The following SEPTIN9 variants were observed in gnomAD, a reference collection of about 807,000 sequenced individuals.
SEPTIN9 encodes the protein septin-9.
A neutral mutation model predicts 56.6 loss-of-function variants in SEPTIN9; 13 were observed. The ratio of observed to expected loss-of-function variants is 0.23; its 90% confidence interval spans 0.15 to 0.37. The LOEUF is 0.37. Ranked by LOEUF, SEPTIN9 falls within the 10% of genes least tolerant of loss-of-function variation. The pLI is 1.00. For missense variants in SEPTIN9, 650 were observed against 823.1 expected (o/e 0.79, Z 2.57); for synonymous variants, 332 against 334.1 (o/e 0.99, Z 0.07).
rs2039224207 is a variant in SEPTIN9 at position 77,476,621 on chromosome 17, CA to C, written c.722-5522del. On this transcript the variant is annotated intron_variant, in intron 3 of 11. Transcript: ENST00000427177. The surrounding 1 kb of genome is among the most constrained non-coding windows in gnomAD (Gnocchi z 6.0). ...GATGAGCAGATTTGGGGGCAGTCCC[CA>C]TCACGGGACCGGTGACCTACTGCCA... Among the ~76,000 whole-genome samples the C allele has an allele frequency of 6.6e-6, 1 of 152,230 alleles. No homozygotes were observed. Among genetic ancestry groups the C allele is most frequent in the African/African-American group, 2.4e-5 (1 of 41,454 alleles).
chr17:77,482,741 CCA>C, intron 4 of SEPTIN9: 1 of 586,608 alleles, frequency 1.7e-6, no homozygotes, highest in South Asian at 2.1e-5. Context: ...CAGAGGCTTC[CCA>C]GCAGCTCAGC....
At chr17:77,331,872 G>A (rs778192585) in intron 2 of SEPTIN9, among the ~76,000 whole-genome samples, 1 of 152,188 alleles carries the variant, frequency 6.6e-6, no homozygotes, top group Non-Finnish European at 1.5e-5. Flanking sequence ...GGGGAAAGGG[G>A]GTGGTCTCCT....
chr17:77,493,160 C>A, intron 10 of SEPTIN9, 84 bp downstream of exon 10: 1 of 1,118,350 alleles, frequency 8.9e-7, no homozygotes, highest in Non-Finnish European at 1.3e-6. Flanking sequence ...CACGCCTGAG[C>A]CAGGGACTCG....
chr17:77,433,543 G>A lies in SEPTIN9; in HGVS notation c.721+30840G>A, dbSNP rs1024712082. On this transcript the variant is annotated intron_variant, in intron 3 of 11. Transcript: ENST00000427177. This position sits in a 1 kb window ranked among gnomAD's most constrained non-coding sequence, Gnocchi z 6.4. ...CCCCAGCCACGTTCCCACCCACCCC[G>A]AGGCCCAGCATGGCCATGCCGGAAA... Among the ~76,000 whole-genome samples, 5 of 150,752 alleles carry A rather than the reference G, an allele frequency of 3.3e-5. No individual in the cohort carries two copies. Among genetic ancestry groups the A allele is most frequent in the African/African-American group, 9.7e-5 (4 of 41,162 alleles).
chr17:77,460,461 C>T (rs1418725958), intron 3 of SEPTIN9, among the ~76,000 whole-genome samples: 1 of 152,202 alleles, frequency 6.6e-6, no homozygotes, highest in Non-Finnish European at 1.5e-5. Context: ...AGGGGCCCCT[C>T]TCCTTCTGGG....
chr17:77,379,364 G>A (rs752402945), intron 2 of SEPTIN9, among the ~76,000 whole-genome samples: 3 of 152,128 alleles, frequency 2.0e-5, no homozygotes, highest in African/African-American at 4.8e-5. Context: ...TGGTCTCGTC[G>A]GCTGTCTTGG....
chr17:77,373,333 C>T (rs2034787151), intron 2 of SEPTIN9: 1 of 1,175,924 alleles, frequency 8.5e-7, no homozygotes, highest in Admixed American at 4.6e-5. Flanking sequence ...CGCCTTCCTC[C>T]CCCATTCATT....
At chr17:77,459,136 A>G (rs1480979826) in intron 3 of SEPTIN9, among the ~76,000 whole-genome samples, 1 of 152,198 alleles carries the variant, frequency 6.6e-6, no homozygotes, top group East Asian at 1.9e-4. Context: ...TGCCACTACC[A>G]CCTGGCACCC....
chr17:77,316,141 G>A (rs1255235348), intron 2 of SEPTIN9, among the ~76,000 whole-genome samples: 3 of 152,220 alleles, frequency 2.0e-5, no homozygotes, highest in Non-Finnish European at 4.4e-5. Flanking sequence ...CCTCTTCAGT[G>A]TTCCTCTGGA....
At chr17:77,296,746 G>A (rs1423894709) in intron 1 of SEPTIN9, among the ~76,000 whole-genome samples, 2 of 152,156 alleles carry the variant, frequency 1.3e-5, no homozygotes, top group African/African-American at 4.8e-5. Flanking sequence ...CCAGCCACTC[G>A]GGAGGCTGAG....
chr17:77,386,233 C>G (rs1041226314), intron 2 of SEPTIN9, among the ~76,000 whole-genome samples: 1 of 152,210 alleles, frequency 6.6e-6, no homozygotes, highest in African/African-American at 2.4e-5. Context: ...CCTCCTGCCC[C>G]CACCCCTCCT....
rs425139 is a variant in SEPTIN9 at position 77,482,399 on chromosome 17, C to T, written c.913+64C>T. 837,789 of 1,536,212 alleles carry T rather than the reference C, an allele frequency of 0.55. 234,910 individuals are homozygous for T. The highest frequency in any genetic ancestry group is 0.86 in the African/African-American group (63,294 of 73,684). Reference sequence around the variant, plus strand: ...AAACCAGCCTCAGCCCCCAGGGCGGCCCACAAGCCTTTGGGCTTGGTCTTC... The same window carrying T: ...AAACCAGCCTCAGCCCCCAGGGCGGTCCACAAGCCTTTGGGCTTGGTCTTC... On this transcript the variant is annotated intron_variant, in intron 4 of 11. Coordinates refer to ENST00000427177, the MANE Select transcript of SEPTIN9 (RefSeq NM_001113491.2).
At chr17:77,335,886 G>A (rs1247027219) in intron 2 of SEPTIN9, among the ~76,000 whole-genome samples, 2 of 119,514 alleles carry the variant, frequency 1.7e-5, no homozygotes, top group Non-Finnish European at 3.7e-5. Context: ...ATTAGTATAT[G>A]TACATATATA....
chr17:77,452,332 A>G (rs536127637), intron 3 of SEPTIN9, among the ~76,000 whole-genome samples: 1 of 152,312 alleles, frequency 6.6e-6, no homozygotes, highest in East Asian at 1.9e-4. Context: ...CCGGCCTCAA[A>G]GCAGGGAGGG....
rs150260573 is a variant in SEPTIN9, at chr17:77,436,264, G to A, written c.721+33561G>A. On this transcript the variant is annotated intron_variant, in intron 3 of 11. Transcript: ENST00000427177. The surrounding 1 kb of genome is among the most constrained non-coding windows in gnomAD (Gnocchi z 4.4). ...AGAGAGGCCTTATCTTCAGAGGAAG[G>A]GGTGGGCGGGGACACAGCGCTGTTC... Among the ~76,000 whole-genome samples, 2 of 152,190 alleles carry A rather than the reference G, an allele frequency of 1.3e-5. No individual in the cohort carries two copies. Among genetic ancestry groups the A allele is most frequent in the Non-Finnish European group, 2.9e-5 (2 of 68,032 alleles).
rs952640252 is a variant in SEPTIN9 at position 77,456,659 on chromosome 17, GGC to G, written c.722-25484_722-25483del. Among the ~76,000 whole-genome samples the G allele has an allele frequency of 6.6e-6, 1 of 151,930 alleles. No homozygotes were observed. The highest frequency in any genetic ancestry group is 2.4e-5 in the African/African-American group (1 of 41,354). On this transcript the variant is annotated intron_variant, in intron 3 of 11. Coordinates refer to ENST00000427177, the MANE Select transcript of SEPTIN9 (RefSeq NM_001113491.2). This position sits in a 1 kb window ranked among gnomAD's most constrained non-coding sequence, Gnocchi z 6.0. ...CCCACAGCCAGGGACAGGCCTCCATGGCCAGTACCAGGTCTCAGGGACCAGCA... is the reference window on the plus strand; with the variant it reads ...CCCACAGCCAGGGACAGGCCTCCATGCAGTACCAGGTCTCAGGGACCAGCA...
chr17:77,351,190 A>T (rs1568008195), intron 2 of SEPTIN9, among the ~76,000 whole-genome samples: 1 of 151,940 alleles, frequency 6.6e-6, no homozygotes, highest in Non-Finnish European at 1.5e-5. Context: ...AAGGCTGCAC[A>T]TGGAGGGACT....
At chr17:77,467,864 C>G (rs1188161787) in intron 3 of SEPTIN9, among the ~76,000 whole-genome samples, 1 of 152,200 alleles carries the variant, frequency 6.6e-6, no homozygotes, top group African/African-American at 2.4e-5. Flanking sequence ...TTCATTTATT[C>G]ATTCACTCAT....
In SEPTIN9 at chr17:77,357,228, G is replaced by T. The variant is rs312873; in HGVS notation, c.77-44831G>T. Among the ~76,000 whole-genome samples the T allele has an allele frequency of 4.2e-3, 635 of 152,258 alleles. 6 individuals are homozygous for T. The highest frequency in any genetic ancestry group is 0.014 in the African/African-American group (600 of 41,542). ...TTGAAGACACATGCGCTCATTAAAT[G>T]TCCTTAAATCCCAAGAAGAAGAACA... On this transcript the variant is annotated intron_variant, in intron 2 of 11. Coordinates refer to ENST00000427177, the MANE Select transcript of SEPTIN9 (RefSeq NM_001113491.2).
Sources: gnomAD v4.1 joint callset for allele counts (sites outside exome capture counted in the v4.1 genomes callset) on GRCh38, gnomAD v4.1.1 for gene constraint, Gnocchi (gnomAD v3.1) non-coding constraint, MANE v1.5 for transcripts, NCBI Gene and HGNC (gene_info 2026-07-23, HGNC 2026-07-21) for gene names.